Variants in OLFML1 observed in about 807,000 individuals in gnomAD.
OLFML1 encodes olfactomedin-like protein 1.
Under a neutral mutation model 37.3 loss-of-function variants are expected in OLFML1, and 33 were observed. The ratio of observed to expected loss-of-function variants is 0.88; its 90% CI spans 0.67 to 1.18. OLFML1 has a LOEUF of 1.18. Among genes scored for constraint, OLFML1 ranks in the 50% most tolerant of loss-of-function variants. The pLI is 0.00. For synonymous variants in OLFML1, 186 were observed against 181.3 expected (o/e 1.03, Z -0.21); for missense variants, 545 against 483.7 (o/e 1.13, Z -1.19).
chr11:7,495,907 A>G (rs1848657379), intron 2 of OLFML1, among the ~76,000 whole-genome samples: 1 of 152,160 alleles, frequency 6.6e-6, no homozygotes, highest in Non-Finnish European at 1.5e-5. Flanking sequence ...CACCCCAGAC[A>G]TGCTAGATTC....
At position 7,510,866 on chromosome 11, in the gene OLFML1, C is replaced by G. The variant is rs1279634753; in HGVS notation, c.*678C>G. On this transcript the variant is annotated 3_prime_UTR_variant, in exon 3 of 3. Coordinates refer to ENST00000329293, the MANE Select transcript of OLFML1 (RefSeq NM_198474.4). ...CCCCTAGCCCTGTCCTTCCACTAAG[C>G]TTGGTAGATGTAATAATAAAGTGAA... 6.6e-6 allele frequency: 1 copy of G among 152,156 alleles called. No homozygotes were observed. The highest frequency in any genetic ancestry group is 2.4e-5 in the African/African-American group (1 of 41,414). The allele number at this position is 152,156 out of a possible 1,614,324, so 9.4% of individuals were successfully genotyped here. A position where few individuals can be genotyped will look rare whatever the true frequency, so the allele number is the denominator to read the frequency against.
intron 2 of OLFML1, among the ~76,000 whole-genome samples, chr11:7,493,266 G>A (rs934265675): frequency 9.9e-5 from 15 of 152,198 alleles, no homozygotes; most frequent in African/African-American, 3.4e-4. Context: ...CATATTTGAA[G>A]CCTCTGGGAT....
intron 2 of OLFML1, among the ~76,000 whole-genome samples, chr11:7,490,871 T>C (rs1848587263): frequency 6.6e-6 from 1 of 152,124 alleles, no homozygotes; most frequent in African/African-American, 2.4e-5. Context: ...CCTCCTGTCA[T>C]GCAGACCTTC....
intron 2 of OLFML1, among the ~76,000 whole-genome samples, chr11:7,497,419 A>G (rs1250464385): frequency 1.3e-5 from 2 of 152,222 alleles, no homozygotes; most frequent in African/African-American, 4.8e-5. Context: ...AATAAGTACT[A>G]TAGAGGGAAA....
At chr11:7,491,112 A>C (rs916386455) in intron 2 of OLFML1, among the ~76,000 whole-genome samples, 23 of 149,446 alleles carry the variant, frequency 1.5e-4, no homozygotes, top group African/African-American at 5.4e-4. Flanking sequence ...TATATGTATT[A>C]AAATATATAT....
In OLFML1 at chr11:7,510,097, A is replaced by G. The variant is rs1338189307; in HGVS notation, c.1118A>G (p.Tyr373Cys). The G allele has an allele frequency of 3.7e-6, 6 of 1,614,236 alleles. No individual in the cohort carries two copies. In the South Asian group the frequency reaches 6.6e-5, roughly 18 times the overall value. ...KRPRSHSMIH[Y>C]NPRDKQLYAW... is the part of the protein sequence containing the mutation. ...CCAAGAAGTCACTCCATGATCCATT[A>G]CAACCCCAGAGATAAGCAGCTCTAT... Residue 373 changes from tyrosine (Y) to cysteine (C), a missense_variant, in exon 3 of 3, where the codon TAC (tyrosine) becomes TGC (cysteine). Physicochemically the swap from Tyr to Cys is radical, Grantham distance 194. Transcript: ENST00000329293.
chr11:7,509,116 T>C (rs181335381), intron 2 of OLFML1, among the ~76,000 whole-genome samples: 10 of 152,312 alleles, frequency 6.6e-5, no homozygotes, highest in Admixed American at 3.3e-4. Flanking sequence ...GAAAACAATC[T>C]GTGAAAATAA....
At chr11:7,487,409 T>G (rs1848536824) in intron 1 of OLFML1, among the ~76,000 whole-genome samples, 2 of 152,252 alleles carry the variant, frequency 1.3e-5, no homozygotes, top group Non-Finnish European at 2.9e-5. Flanking sequence ...TACGTATTGT[T>G]GTTTGGAGCA....
At position 7,510,249 on chromosome 11, in the gene OLFML1, G is replaced by T; in HGVS notation, c.*61G>T. On this transcript the variant is annotated 3_prime_UTR_variant, in exon 3 of 3. Transcript: ENST00000329293. ...GGCAGCTGTTCTACAGGACAGTGAGGCTATAGCCCCTTCACAATATAGTAT... is the reference window on the plus strand; with the variant it reads ...GGCAGCTGTTCTACAGGACAGTGAGTCTATAGCCCCTTCACAATATAGTAT... The T allele has an allele frequency of 7.5e-7, 1 of 1,335,174 alleles. No individual in the cohort carries two copies. Among genetic ancestry groups the T allele is most frequent in the South Asian group, 1.4e-5 (1 of 72,696 alleles). The allele number at this position is 1,335,174 out of a possible 1,614,324, so 82.7% of individuals were successfully genotyped here. A position where few individuals can be genotyped will look rare whatever the true frequency, so the allele number is the denominator to read the frequency against.
chr11:7,495,896 C>T (rs149743473), intron 2 of OLFML1, among the ~76,000 whole-genome samples: 207 of 152,294 alleles, frequency 1.4e-3, no homozygotes, highest in Non-Finnish European at 2.6e-3. Context: ...GAAGTATGCA[C>T]CACCCCAGAC....
intron 2 of OLFML1, among the ~76,000 whole-genome samples, chr11:7,489,598 T>C (rs533662135): frequency 6.6e-6 from 1 of 152,006 alleles, no homozygotes; most frequent in South Asian, 2.1e-4. Context: ...AGGCTAAGAC[T>C]AGAGAGAGGA....
chr11:7,507,769 G>A (rs1455793084), intron 2 of OLFML1, among the ~76,000 whole-genome samples: 2 of 152,054 alleles, frequency 1.3e-5, no homozygotes, highest in African/African-American at 2.4e-5. Flanking sequence ...GGATGGTCTC[G>A]ATCTCCTGAC....
chr11:7,506,935 T>G (rs1396649127), intron 2 of OLFML1, among the ~76,000 whole-genome samples: 1 of 152,186 alleles, frequency 6.6e-6, no homozygotes, highest in Non-Finnish European at 1.5e-5. Flanking sequence ...GAGTTTTCGA[T>G]TTCAGATACG....
At chr11:7,508,064 A>C (rs1848806935) in intron 2 of OLFML1, among the ~76,000 whole-genome samples, 1 of 152,246 alleles carries the variant, frequency 6.6e-6, no homozygotes, top group Non-Finnish European at 1.5e-5. Context: ...AAAGTAAGCT[A>C]GGAAAAGAAA....
chr11:7,501,831 A>AT (rs1034565500), intron 2 of OLFML1, among the ~76,000 whole-genome samples: 6 of 152,162 alleles, frequency 3.9e-5, no homozygotes, highest in African/African-American at 1.4e-4. Flanking sequence ...AAATGAGACT[A>AT]TTTTTTTAAT....
chr11:7,494,668 G>A (rs887224511), intron 2 of OLFML1, among the ~76,000 whole-genome samples: 2 of 152,040 alleles, frequency 1.3e-5, no homozygotes, highest in African/African-American at 4.8e-5. Context: ...GCCACAGGGT[G>A]CAGAGCAGAA....
chr11:7,488,121 C>G lies in OLFML1; in HGVS notation c.130-6C>G. ...AATAATTTGCAAATTTATTTTCTGA[C>G]TGAAGCAAGGGCTGGAAAAATGTAC... On this transcript the variant is annotated splice_region_variant and splice_polypyrimidine_tract_variant and intron_variant, in intron 1 of 2. Transcript: ENST00000329293. The G allele has an allele frequency of 6.3e-7, 1 of 1,582,066 alleles. No individual in the cohort carries two copies. The highest frequency in any genetic ancestry group is 8.6e-7 in the Non-Finnish European group (1 of 1,161,072).
intron 2 of OLFML1, among the ~76,000 whole-genome samples, chr11:7,497,131 AC>A (rs1848672565): frequency 1.3e-5 from 2 of 152,154 alleles, no homozygotes; most frequent in African/African-American, 4.8e-5. Context: ...AGGTTCAGAA[AC>A]CCTTTACAGT....
At chr11:7,498,469 T>A (rs919333167) in intron 2 of OLFML1, among the ~76,000 whole-genome samples, 3 of 152,320 alleles carry the variant, frequency 2.0e-5, no homozygotes, top group Non-Finnish European at 2.9e-5. Context: ...ACTTATTCCA[T>A]GGGCAGTATC....
Sources: allele counts gnomAD v4.1 joint callset (sites outside exome capture counted in the v4.1 genomes callset), GRCh38; gene constraint gnomAD v4.1.1; transcripts MANE v1.5; gene names NCBI Gene and HGNC (gene_info 2026-07-23, HGNC 2026-07-21).